The following ZNF518B variants were observed in gnomAD, a reference collection of about 807,000 sequenced individuals.
ZNF518B encodes zinc finger protein 518B.
In ZNF518B, 23 loss-of-function variants were observed where a neutral mutation model predicts 56.3. The observed-to-expected ratio is 0.41, with a 90% CI of 0.29 to 0.58. The LOEUF (loss-of-function observed/expected upper bound fraction) is 0.58, where lower values mean the gene tolerates loss of function less well. Ranked by LOEUF, ZNF518B falls within the 20% of genes least tolerant of loss-of-function variation. ZNF518B has a pLI of 0.32. For missense variants in ZNF518B, 1,460 were observed against 1,272.1 expected, an observed-to-expected ratio of 1.15 and a Z score of -2.25; for synonymous variants, 529 against 465.9, an observed-to-expected ratio of 1.14 and a Z score of -1.74.
chr4:10,452,611 G>A (rs1182575832), intron 2 of ZNF518B: 2 of 152,172 alleles, frequency 1.3e-5, no homozygotes, highest in African/African-American at 2.4e-5. Flanking sequence ...AATGTGTGAT[G>A]GGGAAGGCAG....
rs1560170157 is a variant in ZNF518B at position 10,444,966 on chromosome 4, T to C, written c.1363A>G (p.Ile455Val). Residue 455 changes from isoleucine (I) to valine (V), a missense_variant, in exon 3 of 3, where the codon ATT (isoleucine) becomes GTT (valine). Ile to Val is a conservative substitution (Grantham distance 29). Transcript: ENST00000326756. ...AAATCCTCAATTGTTTCCGAATTAA[T>C]GAAGGATTTTCCATTGTTGTGCACA... ...SSVHNNGKSF[I>V]NSETIEDFQK... 1 of 1,612,698 alleles carries C rather than the reference T, an allele frequency of 6.2e-7. No individual in the cohort carries two copies. Among genetic ancestry groups the C allele is most frequent in the African/African-American group, 1.3e-5 (1 of 74,892 alleles).
upstream of ZNF518B, among the ~76,000 whole-genome samples, chr4:10,461,309 G>A (rs1330635910): frequency 1.3e-5 from 2 of 152,228 alleles, no homozygotes; most frequent in Admixed American, 6.5e-5. Context: ...GGCTCTCCTG[G>A]CCCGCACACT....
At chr4:10,449,846 C>G (rs777745335) in intron 2 of ZNF518B, among the ~76,000 whole-genome samples, 17 of 152,194 alleles carry the variant, frequency 1.1e-4, no homozygotes, top group Admixed American at 1.3e-4. Context: ...TCATCCAAAC[C>G]AGGATTCCAC....
At chr4:10,458,397 G>A (rs1715636784), upstream of ZNF518B, among the ~76,000 whole-genome samples, 1 of 152,216 alleles carries the variant, frequency 6.6e-6, no homozygotes, top group Admixed American at 6.5e-5. Context: ...GCCAAAGGTC[G>A]GCGTGCACGG....
In ZNF518B at chr4:10,446,505, T is replaced by A. The variant is rs950343679; in HGVS notation, c.-177A>T. The A allele has an allele frequency of 4.9e-5, 28 of 572,808 alleles. No homozygotes were observed. The highest frequency in any genetic ancestry group is 9.1e-4 in the Middle Eastern group (2 of 2,204). The allele number at this position is 572,808 out of a possible 1,614,324, so 35.5% of individuals were successfully genotyped here. A position where few individuals can be genotyped will look rare whatever the true frequency, so the allele number is the denominator to read the frequency against. On this transcript the variant is annotated 5_prime_UTR_variant, in exon 3 of 3. Transcript: ENST00000326756. ...GCAGTAGGTGCATGATCCCAAAATA[T>A]GACTGCTTTCAGCTCTCTGACATTC...
upstream of ZNF518B, among the ~76,000 whole-genome samples, chr4:10,458,688 C>A (rs148333861): frequency 6.6e-6 from 1 of 152,272 alleles, no homozygotes; most frequent in Non-Finnish European, 1.5e-5. Flanking sequence ...AACCTCTTCT[C>A]AGAAAAACAC....
At chr4:10,457,641 C>T (rs1715608852), upstream of ZNF518B, among the ~76,000 whole-genome samples, 1 of 152,230 alleles carries the variant, frequency 6.6e-6, no homozygotes, top group African/African-American at 2.4e-5. Context: ...ATGCCGCAGG[C>T]AAAAGAAGGA....
chr4:10,455,427 T>C (rs1196099694), intron 1 of ZNF518B, among the ~76,000 whole-genome samples: 2 of 152,206 alleles, frequency 1.3e-5, no homozygotes, highest in Admixed American at 6.5e-5. Flanking sequence ...TCATGATCAA[T>C]AGCGAAGGGT....
At chr4:10,460,061 T>C (rs1438463663), upstream of ZNF518B, among the ~76,000 whole-genome samples, 1 of 151,974 alleles carries the variant, frequency 6.6e-6, no homozygotes, top group Middle Eastern at 3.4e-3. Context: ...TCCTAGCACT[T>C]TGGGAGGCCG....
chr4:10,454,698 T>A (rs4328908), intron 2 of ZNF518B, 107 bp downstream of exon 2: 151,148 of 152,370 alleles, frequency 0.99, 74,982 homozygotes, highest in East Asian at 1. Context: ...GGTGAACAGC[T>A]GCAACTGGGT....
intron 2 of ZNF518B, among the ~76,000 whole-genome samples, chr4:10,448,365 CG>C (rs1560173092): frequency 1.3e-5 from 2 of 152,028 alleles, no homozygotes; most frequent in African/African-American, 4.8e-5. Flanking sequence ...AGACCGACGT[CG>C]GGGAGTTTAA....
chr4:10,444,110 G>C lies in ZNF518B; in HGVS notation c.2219C>G (p.Thr740Ser), dbSNP rs897987966. 1.2e-6 allele frequency: 2 copies of C among 1,614,104 alleles called. No individual in the cohort carries two copies. Among genetic ancestry groups the C allele is most frequent in the Non-Finnish European group, 1.7e-6 (2 of 1,180,046 alleles). Residue 740 changes from threonine (T) to serine (S), a missense_variant, in exon 3 of 3, where the codon ACT becomes AGT. Physicochemically the swap from Thr to Ser is moderately conservative, Grantham distance 58 (BLOSUM62 1). Coordinates refer to ENST00000326756, the MANE Select transcript of ZNF518B (RefSeq NM_053042.3). ...AAAGTGTGGATATATTTGTTGATGA[G>C]TAAGCTGTCTATTACCAGTAATACC... ...DGGITGNRQL[T>S]HQQIYPHFAD...
chr4:10,443,503 T>C lies in ZNF518B; in HGVS notation c.2826A>G (p.Pro942=). ...QLIKCPRRNQ[P]VIVLNHPDVD... is the part of the protein sequence containing the mutation. The stretch of plus-strand genomic sequence containing the variant: ...CATCAGGGTGGTTTAACACAATGAC[T>C]GGCTGGTTCCGACGGGGACACTTAA... Residue 942 remains proline (P), a synonymous_variant, in exon 3 of 3, where the codon CCA becomes CCG. Transcript: ENST00000326756. The C allele has an allele frequency of 6.2e-7, 1 of 1,613,974 alleles. No homozygotes were observed. Among genetic ancestry groups the C allele is most frequent in the Non-Finnish European group, 8.5e-7 (1 of 1,179,792 alleles).
intron 1 of ZNF518B, chr4:10,457,005 G>C (rs1029082795): frequency 6.7e-6 from 1 of 149,716 alleles, no homozygotes; most frequent in African/African-American, 2.4e-5. Context: ...AGGCGAGCTG[G>C]GGGCGCCGGG....
chr4:10,452,473 G>A (rs1022886101), intron 2 of ZNF518B: 2 of 152,078 alleles, frequency 1.3e-5, no homozygotes, highest in Non-Finnish European at 2.9e-5. Context: ...AAAGTGCCCA[G>A]TGAACAATTA....
intron 2 of ZNF518B, among the ~76,000 whole-genome samples, chr4:10,449,324 G>A (rs952244782): frequency 6.6e-6 from 1 of 152,136 alleles, no homozygotes; most frequent in South Asian, 2.1e-4. Context: ...AGGCACCCTA[G>A]GTAATCCTGA....
At chr4:10,452,512 T>C (rs1715361486) in intron 2 of ZNF518B, 1 of 152,044 alleles carries the variant, frequency 6.6e-6, no homozygotes, top group African/African-American at 2.4e-5. Context: ...AAATCAACAT[T>C]AGACATCAAC....
At position 10,441,172 on chromosome 4, in the gene ZNF518B, A is replaced by G. The variant is rs1296999644; in HGVS notation, c.*1932T>C. On this transcript the variant is annotated 3_prime_UTR_variant, in exon 3 of 3. Coordinates refer to ENST00000326756, the MANE Select transcript of ZNF518B (RefSeq NM_053042.3). The stretch of plus-strand genomic sequence containing the variant: ...TTCCAAAATAAATTTCTAGAATATA[A>G]AAACGTTCTACATTTTTCCAGCCCA... 1 of 152,658 alleles carries G rather than the reference A, an allele frequency of 6.6e-6. No individual in the cohort carries two copies. The highest frequency in any genetic ancestry group is 2.4e-5 in the African/African-American group (1 of 41,468). The allele number at this position is 152,658 out of a possible 1,614,324, so 9.5% of individuals were successfully genotyped here.
chr4:10,448,503 G>GTT (rs1312476515), intron 2 of ZNF518B, among the ~76,000 whole-genome samples: 1 of 152,160 alleles, frequency 6.6e-6, no homozygotes, highest in African/African-American at 2.4e-5. Flanking sequence ...TTCTTTGGCA[G>GTT]TGTCGTCTTT....
Sources: allele counts gnomAD v4.1 joint callset (sites outside exome capture counted in the v4.1 genomes callset), GRCh38; gene constraint gnomAD v4.1.1; transcripts MANE v1.5; gene names NCBI Gene and HGNC (gene_info 2026-07-23, HGNC 2026-07-21).